Variants in FBLN2 observed in about 807,000 individuals in gnomAD.
The protein encoded by FBLN2 is fibulin 2.
In FBLN2, 81 loss-of-function variants were observed where a neutral mutation model predicts 123.7. The ratio of observed to expected loss-of-function variants is 0.65; its 90% CI spans 0.55 to 0.79. The LOEUF is 0.79. Among genes scored for constraint, FBLN2 ranks in the 30% least tolerant of loss-of-function variants. The probability of loss-of-function intolerance (pLI) is 0.00; values close to 1 mark genes in which losing one functional copy is unlikely to be tolerated. For synonymous variants in FBLN2, 699 were observed against 701.4 expected, an observed-to-expected ratio of 1.00 and a Z score of 0.05; for missense variants, 1,603 against 1,681.3, an observed-to-expected ratio of 0.95 and a Z score of 0.81.
intron 4 of FBLN2, 42 bp downstream of exon 4, chr3:13,609,684 C>CCTGGGGGGGGGGGGGGGGG: frequency 5.1e-6 from 1 of 196,564 alleles, no homozygotes; most frequent in Non-Finnish European, 9.5e-6. Context: ...TGGGGTGGGG[C>CCTGGGGGGGGGGGGGGGGG]GGGGCGGGAG....
At chr3:13,595,880 C>CA (rs1704825682) in intron 2 of FBLN2, among the ~76,000 whole-genome samples, 1 of 151,804 alleles carries the variant, frequency 6.6e-6, no homozygotes, top group Non-Finnish European at 1.5e-5. Context: ...AAGGGGTAAA[C>CA]AGTCAGTTTC....
intron 17 of FBLN2, 86 bp downstream of exon 17, chr3:13,636,654 C>T (rs1239964649): frequency 2.0e-6 from 3 of 1,475,480 alleles, no homozygotes; most frequent in Non-Finnish European, 2.7e-6. Context: ...TGGGCGCCTG[C>T]CTTGATCACC....
intron 2 of FBLN2, among the ~76,000 whole-genome samples, chr3:13,576,591 T>C (rs1307166605): frequency 2.6e-5 from 4 of 151,260 alleles, no homozygotes; most frequent in African/African-American, 7.3e-5. Flanking sequence ...CCAGGGGAGG[T>C]GCTATCTGAG....
chr3:13,630,703 G>A lies in FBLN2; in HGVS notation c.2973G>A (p.Val991=). 1 of 1,602,280 alleles carries A rather than the reference G, an allele frequency of 6.2e-7. No individual in the cohort carries two copies. The highest frequency in any genetic ancestry group is 8.5e-7 in the Non-Finnish European group (1 of 1,174,368). ...TGCCTGCTGGTGTCCCTGCAGACGT[G>A]AATGAGTGTGAGGCCCAGCGCTGCA... The part of the protein sequence containing the change: ...LAADGKRCED[V]NECEAQRCSQ... The change falls in exon 15 of 18, where the codon GTG becomes GTA. Residue 991 remains valine, a synonymous_variant. Coordinates refer to ENST00000404922, the MANE Select transcript of FBLN2 (RefSeq NM_001004019.2).
intron 1 of FBLN2, among the ~76,000 whole-genome samples, chr3:13,570,003 C>T (rs1356919180): frequency 6.6e-6 from 1 of 151,960 alleles, no homozygotes; most frequent in African/African-American, 2.4e-5. Context: ...CACGAGGGCT[C>T]ACTCAGAGGA....
chr3:13,635,890 G>A (rs1351110144), intron 16 of FBLN2, among the ~76,000 whole-genome samples: 1 of 152,210 alleles, frequency 6.6e-6, no homozygotes, highest in Non-Finnish European at 1.5e-5. Context: ...AGAGCATGGA[G>A]CCATAGGAGG....
Position 13,614,021 on chromosome 3 carries a change from G to C in FBLN2, c.1586G>C (p.Arg529Pro). ...TGCTGTGGCCTGGGCCTCCGCGTGC[G>C]GGCCGAGGGCCAGTCGTGTGAGTCC... is the stretch of plus-strand genomic sequence containing the variant. ...CDCCGLGLRV[R>P]AEGQSCESNP... The change falls in exon 5 of 18, where the codon CGG (arginine) becomes CCG (proline). Residue 529 changes from arginine (R) to proline (P), a missense_variant. Arg to Pro is a moderately radical substitution (Grantham distance 103). Transcript: ENST00000404922. 1 of 1,613,206 alleles carries C rather than the reference G, an allele frequency of 6.2e-7. No homozygotes were observed. The highest frequency in any genetic ancestry group is 8.5e-7 in the Non-Finnish European group (1 of 1,179,846).
chr3:13,607,567 C>T (rs1254480141), intron 2 of FBLN2, among the ~76,000 whole-genome samples: 1 of 152,122 alleles, frequency 6.6e-6, no homozygotes, highest in African/African-American at 2.4e-5. Context: ...CTTAAACTTC[C>T]CTTGCTGCCA....
chr3:13,555,219 T>C (rs1372305552), intron 1 of FBLN2, among the ~76,000 whole-genome samples: 1 of 152,124 alleles, frequency 6.6e-6, no homozygotes, highest in Non-Finnish European at 1.5e-5. Flanking sequence ...CCCAAAGTGC[T>C]GGGATTACAG....
chr3:13,594,602 G>A (rs980569544), intron 2 of FBLN2, among the ~76,000 whole-genome samples: 5 of 152,198 alleles, frequency 3.3e-5, no homozygotes, highest in Non-Finnish European at 7.3e-5. Flanking sequence ...TCCCAGCTGG[G>A]TGGTGGCTGT....
intron 1 of FBLN2, among the ~76,000 whole-genome samples, chr3:13,569,532 C>A (rs753411674): frequency 7.5e-5 from 11 of 147,012 alleles, no homozygotes; most frequent in African/African-American, 2.8e-4. Context: ...AGACAGATTG[C>A]GGGGAGAATG....
intron 5 of FBLN2, among the ~76,000 whole-genome samples, chr3:13,614,793 CCATCCATCCCT>C: frequency 6.6e-6 from 1 of 152,272 alleles, no homozygotes; most frequent in South Asian, 2.1e-4. Context: ...ATCCATCCAT[CCATCCATCCCT>C]CATCCATCCA....
At position 13,630,702 on chromosome 3, in the gene FBLN2, T is replaced by C; in HGVS notation, c.2972T>C (p.Val991Ala). 1 of 1,601,390 alleles carries C rather than the reference T, an allele frequency of 6.2e-7. No homozygotes were observed. The highest frequency in any genetic ancestry group is 8.5e-7 in the Non-Finnish European group (1 of 1,173,886). Residue 991 changes from valine to alanine, a missense_variant, in exon 15 of 18, where the codon GTG becomes GCG. By Grantham distance (64) the Val-to-Ala change is moderately conservative (BLOSUM62 0). Coordinates refer to ENST00000404922, the MANE Select transcript of FBLN2 (RefSeq NM_001004019.2). ...CTGCCTGCTGGTGTCCCTGCAGACG[T>C]GAATGAGTGTGAGGCCCAGCGCTGC... ...LAADGKRCED[V>A]NECEAQRCSQ...
intron 5 of FBLN2, 108 bp downstream of exon 5, chr3:13,614,272 T>A: frequency 9.0e-7 from 1 of 1,115,700 alleles, no homozygotes; most frequent in Non-Finnish European, 1.3e-6. Flanking sequence ...GAGACACAAG[T>A]TCTGCTCTAA....
chr3:13,605,365 A>C (rs965017204), intron 2 of FBLN2, among the ~76,000 whole-genome samples: 1 of 151,996 alleles, frequency 6.6e-6, no homozygotes, highest in Non-Finnish European at 1.5e-5. Flanking sequence ...TCATCTCATC[A>C]GTGTGTTTTT....
chr3:13,623,863 G>A (rs937174031), intron 9 of FBLN2, among the ~76,000 whole-genome samples: 8 of 152,220 alleles, frequency 5.3e-5, no homozygotes, highest in Non-Finnish European at 4.4e-5. Flanking sequence ...CTACTCTTGT[G>A]ACATCATTGT....
At chr3:13,636,992 G>T (rs4684970) in intron 17 of FBLN2, among the ~76,000 whole-genome samples, 87,449 of 152,142 alleles carry the variant, frequency 0.57, 26,459 homozygotes, top group African/African-American at 0.78. Context: ...ACTGCTCATG[G>T]GGCTCTGGGC....
chr3:13,604,992 G>GCCTTAGCA (rs1705156926), intron 2 of FBLN2, among the ~76,000 whole-genome samples: 1 of 152,206 alleles, frequency 6.6e-6, no homozygotes, highest in African/African-American at 2.4e-5. Context: ...GGCTTTGTGG[G>GCCTTAGCA]CCTTAGCACC....
chr3:13,609,689 C>CGGG, intron 4 of FBLN2, 47 bp downstream of exon 4: 10 of 428,806 alleles, frequency 2.3e-5, no homozygotes, highest in East Asian at 7.9e-5. Context: ...TGGGGCGGGG[C>CGGG]GGGAGGCTGG....
Sources: allele counts gnomAD v4.1 joint callset (sites outside exome capture counted in the v4.1 genomes callset), GRCh38; gene constraint gnomAD v4.1.1; transcripts MANE v1.5; gene names NCBI Gene and HGNC (gene_info 2026-07-23, HGNC 2026-07-21).